The following QTMAN variants were observed in gnomAD, a reference collection of about 807,000 sequenced individuals.
The protein encoded by QTMAN is tRNA-queuosine alpha-mannosyltransferase.
chr2:144,042,464 G>C, the QTMAN span, among the ~76,000 whole-genome samples: 1 of 152,030 alleles, frequency 6.6e-6, no homozygotes, highest in Non-Finnish European at 1.5e-5. Flanking sequence ...CCTTTAGAAA[G>C]AACAATGAAG....
chr2:144,130,370 C>G, the QTMAN span, among the ~76,000 whole-genome samples: 1 of 151,846 alleles, frequency 6.6e-6, no homozygotes, highest in Non-Finnish European at 1.5e-5. Context: ...TTTTGGCACT[C>G]AGTACAGCAT....
the QTMAN span, among the ~76,000 whole-genome samples, chr2:144,162,128 C>G: frequency 2.6e-5 from 4 of 152,164 alleles, no homozygotes; most frequent in Admixed American, 6.5e-5. Flanking sequence ...TAACTACATG[C>G]ATTAAAATTT....
the QTMAN span, among the ~76,000 whole-genome samples, chr2:144,322,767 T>C: frequency 6.6e-6 from 1 of 152,238 alleles, no homozygotes; most frequent in African/African-American, 2.4e-5. Context: ...GAACTCTTTG[T>C]ATTCTGTTAC....
the QTMAN span, among the ~76,000 whole-genome samples, chr2:144,061,306 T>C: frequency 6.6e-6 from 1 of 152,196 alleles, no homozygotes; most frequent in Non-Finnish European, 1.5e-5. Context: ...GTATGAAAAT[T>C]TGACTGAACA....
At chr2:144,304,902 ACTGT>A in the QTMAN span, among the ~76,000 whole-genome samples, 1 of 152,208 alleles carries the variant, frequency 6.6e-6, no homozygotes, top group East Asian at 1.9e-4. Context: ...GCATATGCCT[ACTGT>A]CTGTTGGAAA....
chr2:144,104,128 G>A, the QTMAN span, among the ~76,000 whole-genome samples: 88 of 151,358 alleles, frequency 5.8e-4, no homozygotes, highest in Middle Eastern at 3.5e-3. Flanking sequence ...GGGCGGTGGC[G>A]GTTCCAAGAT....
At chr2:144,135,067 A>C in the QTMAN span, among the ~76,000 whole-genome samples, 1 of 152,190 alleles carries the variant, frequency 6.6e-6, no homozygotes, top group Admixed American at 6.6e-5. Flanking sequence ...GATACACTCT[A>C]TTCATGACTC....
chr2:144,237,315 T>C, the QTMAN span: 1 of 152,068 alleles, frequency 6.6e-6, no homozygotes, highest in African/African-American at 2.4e-5. Context: ...GACCAGGAAA[T>C]GACGTTAGGG....
chr2:144,306,268 C>G, the QTMAN span, among the ~76,000 whole-genome samples: 2 of 152,162 alleles, frequency 1.3e-5, no homozygotes, highest in Admixed American at 1.3e-4. Context: ...CAATCATGAC[C>G]TTTATACCAA....
At chr2:144,060,789 C>G in the QTMAN span, among the ~76,000 whole-genome samples, 2 of 152,134 alleles carry the variant, frequency 1.3e-5, no homozygotes, top group East Asian at 3.8e-4. Flanking sequence ...AATACTGACT[C>G]CAAAATAACT....
At chr2:143,941,967 T>C in the QTMAN span, 1 of 154,072 alleles carries the variant, frequency 6.5e-6, no homozygotes, top group East Asian at 1.9e-4. Flanking sequence ...TGTGCCTTAA[T>C]TTTCTCATCT....
chr2:144,204,157 A>C, the QTMAN span, among the ~76,000 whole-genome samples: 1 of 152,204 alleles, frequency 6.6e-6, no homozygotes, highest in Non-Finnish European at 1.5e-5. Context: ...GGATCTAATT[A>C]AACTAAAGAG....
chr2:144,146,476 T>G, the QTMAN span, among the ~76,000 whole-genome samples: 3 of 151,514 alleles, frequency 2.0e-5, no homozygotes, highest in Admixed American at 6.6e-5. Context: ...ATGAAAAAAG[T>G]GTCAATTTAC....
At chr2:144,082,799 A>C in the QTMAN span, among the ~76,000 whole-genome samples, 1 of 152,124 alleles carries the variant, frequency 6.6e-6, no homozygotes, top group Admixed American at 6.6e-5. Context: ...TGTGCCATCT[A>C]ACCTTTAGTC....
chr2:144,096,042 T>C, the QTMAN span, among the ~76,000 whole-genome samples: 5 of 152,200 alleles, frequency 3.3e-5, no homozygotes, highest in Non-Finnish European at 5.9e-5. Flanking sequence ...CAAGATACTC[T>C]CTAAAACAAA....
the QTMAN span, among the ~76,000 whole-genome samples, chr2:144,159,812 T>C: frequency 1.3e-5 from 2 of 152,000 alleles, no homozygotes; most frequent in Non-Finnish European, 1.5e-5. Context: ...GGTTGGCTCA[T>C]GAAAAAGTTG....
the QTMAN span, among the ~76,000 whole-genome samples, chr2:144,300,449 A>G: frequency 5.0e-3 from 756 of 152,342 alleles, 2 homozygotes; most frequent in Non-Finnish European, 8.3e-3. Context: ...CTTACACATA[A>G]AACTAGTATT....
At chr2:144,133,371 TATA>T in the QTMAN span, among the ~76,000 whole-genome samples, 39 of 39,404 alleles carry the variant, frequency 9.9e-4, no homozygotes, top group African/African-American at 1.3e-3. Context: ...TAATATAATA[TATA>T]ATAATAATAT....
chr2:144,021,017 A>G, the QTMAN span, among the ~76,000 whole-genome samples: 1 of 152,118 alleles, frequency 6.6e-6, no homozygotes, highest in South Asian at 2.1e-4. Context: ...GAAAAGAGAT[A>G]AAATAAGGTC....
Sources: allele counts gnomAD v4.1 joint callset (sites outside exome capture counted in the v4.1 genomes callset), GRCh38; gene constraint gnomAD v4.1.1; transcripts MANE v1.5; gene names NCBI Gene and HGNC (gene_info 2026-07-23, HGNC 2026-07-21).